Variants in DOCK8 observed in about 807,000 individuals in gnomAD.
DOCK8 encodes the protein dedicator of cytokinesis 8.
Under a neutral mutation model 245.6 loss-of-function variants are expected in DOCK8, and 141 were observed. That is an observed-to-expected ratio of 0.57 (90% CI 0.50 to 0.66). DOCK8 has a LOEUF of 0.66. Among genes scored for constraint, DOCK8 ranks in the 30% least tolerant of loss-of-function variants. The pLI is 0.00. For missense variants in DOCK8, 2,965 were observed against 2,603.4 expected (o/e 1.14, Z -3.02); for synonymous variants, 1,168 against 970.2 (o/e 1.20, Z -3.79).
In DOCK8 at chr9:382,505, G is replaced by A; in HGVS notation, c.2606-8G>A. Reference sequence around the variant, plus strand: ...TCTGTTGACATGTCTCTGCCTGGTGGGGTGCAGGCGCTCCCACTGCCCTCC... The same window carrying A: ...TCTGTTGACATGTCTCTGCCTGGTGAGGTGCAGGCGCTCCCACTGCCCTCC... On this transcript the variant is annotated splice_region_variant and splice_polypyrimidine_tract_variant and intron_variant, in intron 21 of 47. Transcript: ENST00000432829. 6.2e-7 allele frequency: 1 copy of A among 1,613,410 alleles called. No individual in the cohort carries two copies. The highest frequency in any genetic ancestry group is 2.2e-5 in the East Asian group (1 of 44,890).
At chr9:240,398 T>A (rs1192573198) in intron 1 of DOCK8, among the ~76,000 whole-genome samples, 1 of 151,972 alleles carries the variant, frequency 6.6e-6, no homozygotes, top group East Asian at 1.9e-4. Flanking sequence ...TTTTAATGAA[T>A]GTTTTTCTGA....
intron 4 of DOCK8, among the ~76,000 whole-genome samples, chr9:297,626 A>C (rs1185362976): frequency 1.3e-5 from 2 of 152,300 alleles, no homozygotes; most frequent in East Asian, 1.9e-4. Flanking sequence ...AGCCAGCGGC[A>C]GTGAGCCAGC....
At chr9:245,860 C>T (rs546155867) in intron 1 of DOCK8, among the ~76,000 whole-genome samples, 2 of 152,210 alleles carry the variant, frequency 1.3e-5, no homozygotes, top group South Asian at 2.1e-4. Flanking sequence ...ACTTGCTGGA[C>T]AAAATGATAG....
chr9:285,728 C>G (rs1299034058), intron 2 of DOCK8, among the ~76,000 whole-genome samples: 2 of 152,146 alleles, frequency 1.3e-5, no homozygotes, highest in Non-Finnish European at 1.5e-5. Context: ...TTTACTCCCC[C>G]TCTTTCCAAC....
At chr9:336,206 C>G (rs1049248759) in intron 11 of DOCK8, among the ~76,000 whole-genome samples, 2 of 152,320 alleles carry the variant, frequency 1.3e-5, no homozygotes, top group Admixed American at 6.5e-5. Flanking sequence ...GAGTACATGC[C>G]TCTCCCAGTG....
chr9:219,947 A>G (rs978315710), intron 1 of DOCK8, among the ~76,000 whole-genome samples: 2 of 152,216 alleles, frequency 1.3e-5, no homozygotes, highest in South Asian at 2.1e-4. Flanking sequence ...CCAGAGCACA[A>G]TGAGCTACAG....
chr9:349,580 G>A (rs1474948521), intron 14 of DOCK8, among the ~76,000 whole-genome samples: 3 of 152,244 alleles, frequency 2.0e-5, no homozygotes, highest in Non-Finnish European at 4.4e-5. Context: ...CAAGCTGGTC[G>A]TTCCTTTTAT....
intron 8 of DOCK8, among the ~76,000 whole-genome samples, chr9:327,535 C>T (rs10758079): frequency 5.3e-5 from 8 of 151,772 alleles, no homozygotes; most frequent in African/African-American, 1.2e-4. Context: ...GTCGCTGGAA[C>T]CACAGGCACA....
chr9:383,303 G>A (rs2053804480), intron 22 of DOCK8, among the ~76,000 whole-genome samples: 1 of 152,100 alleles, frequency 6.6e-6, no homozygotes, highest in Non-Finnish European at 1.5e-5. Flanking sequence ...GGGAGGCCGA[G>A]GTGGGTGGAT....
At position 340,336 on chromosome 9, in the gene DOCK8, C is replaced by T. The variant is rs2051521273; in HGVS notation, c.1679+15C>T. On this transcript the variant is annotated intron_variant, in intron 14 of 47. Transcript: ENST00000432829. The stretch of plus-strand genomic sequence containing the variant: ...ACTGTGTACAGGTAAGAAACACAGG[C>T]TCGGGCTGGGCGTGGTGGCTTACAC... 3.1e-6 allele frequency: 5 copies of T among 1,613,882 alleles called. No homozygotes were observed. The highest frequency in any genetic ancestry group is 4.2e-6 in the Non-Finnish European group (5 of 1,179,882).
chr9:406,507 AAAAG>A (rs2055424731), intron 27 of DOCK8, among the ~76,000 whole-genome samples: 1 of 149,836 alleles, frequency 6.7e-6, no homozygotes, highest in Non-Finnish European at 1.5e-5. Flanking sequence ...AAAAAAAAAA[AAAAG>A]AAGGTACCTG....
chr9:409,630 A>G (rs929603585), intron 28 of DOCK8, among the ~76,000 whole-genome samples: 5 of 152,050 alleles, frequency 3.3e-5, no homozygotes, highest in South Asian at 2.1e-4. Flanking sequence ...TGTATACAAC[A>G]TGCAGGTTTG....
At chr9:328,993 A>G (rs1404399658) in intron 9 of DOCK8, among the ~76,000 whole-genome samples, 1 of 113,656 alleles carries the variant, frequency 8.8e-6, no homozygotes, top group Admixed American at 1.3e-4. Context: ...CTTGTCACCC[A>G]GGCTGGAGTG....
At chr9:310,832 C>T (rs1173817236) in intron 5 of DOCK8, among the ~76,000 whole-genome samples, 2 of 152,170 alleles carry the variant, frequency 1.3e-5, no homozygotes, top group African/African-American at 4.8e-5. Context: ...CAGACAAATT[C>T]TATGATTGTC....
chr9:419,895 A>C (rs1188699027), intron 30 of DOCK8, among the ~76,000 whole-genome samples: 1 of 152,254 alleles, frequency 6.6e-6, no homozygotes, highest in Non-Finnish European at 1.5e-5. Context: ...TGAGCAGTTC[A>C]TGACCCTTAT....
chr9:243,339 C>T (rs1027279258), intron 1 of DOCK8, among the ~76,000 whole-genome samples: 4 of 152,152 alleles, frequency 2.6e-5, no homozygotes, highest in African/African-American at 9.7e-5. Flanking sequence ...CATTGTGAAT[C>T]GCACTGCAAA....
chr9:409,748 C>T (rs1169761676), intron 28 of DOCK8, among the ~76,000 whole-genome samples: 1 of 151,558 alleles, frequency 6.6e-6, no homozygotes, highest in Admixed American at 6.6e-5. Context: ...CACCCCATGA[C>T]AGTCCCCGGT....
chr9:268,866 TA>T (rs1160059124), intron 1 of DOCK8, among the ~76,000 whole-genome samples: 2 of 152,246 alleles, frequency 1.3e-5, no homozygotes, highest in Non-Finnish European at 1.5e-5. Context: ...TCATGCAATA[TA>T]GACCTTTGTT....
At chr9:215,620 A>G in intron 1 of DOCK8, 18 of 509,086 alleles carry the variant, frequency 3.5e-5, no homozygotes, top group South Asian at 2.6e-4. Context: ...TTTTTTAAAA[A>G]ATCTACACTT....
Sources: allele counts gnomAD v4.1 joint callset (sites outside exome capture counted in the v4.1 genomes callset), GRCh38; gene constraint gnomAD v4.1.1; transcripts MANE v1.5; gene names NCBI Gene and HGNC (gene_info 2026-07-23, HGNC 2026-07-21).